The following PRR33 variants were observed in gnomAD, a reference collection of about 807,000 sequenced individuals.
PRR33 encodes proline rich 33.
A neutral mutation model predicts 0.5 loss-of-function variants in PRR33; 1 was observed. The observed-to-expected ratio is 2.18, with a 90% CI of 0.77 to 10.34. The LOEUF (loss-of-function observed/expected upper bound fraction) is 10.34, where lower values mean the gene tolerates loss of function less well. PRR33 is among the 30% of genes most tolerant of loss of function. The pLI, the probability that PRR33 is intolerant of heterozygous loss-of-function variation, is 0.13. For synonymous variants in PRR33, 226 were observed against 110.0 expected (o/e 2.06, Z -6.60); for missense variants, 552 against 251.8 (o/e 2.19, Z -8.07).
the PRR33 span, among the ~76,000 whole-genome samples, chr11:1,915,691 G>C: frequency 5.7e-3 from 1 of 176 alleles, no homozygotes; most frequent in Non-Finnish European, 9.8e-3. Flanking sequence ...GTTTCTGTGT[G>C]TGTGTGTGTT....
chr11:1,889,232 C>A, exon 1 of PRR33: 1 of 674,026 alleles, frequency 1.5e-6, no homozygotes, highest in Non-Finnish European at 2.8e-6. Flanking sequence ...TGGGAGGGGG[C>A]CGGGTGGCCT....
At chr11:1,895,835 G>A (rs889828643), upstream of PRR33, among the ~76,000 whole-genome samples, 8 of 151,968 alleles carry the variant, frequency 5.3e-5, no homozygotes, top group South Asian at 8.3e-4. Context: ...GCACCGAGTC[G>A]CCTTTGCACC....
At chr11:1,913,194 A>T in the PRR33 span, among the ~76,000 whole-genome samples, 1 of 151,840 alleles carries the variant, frequency 6.6e-6, no homozygotes, top group African/African-American at 2.4e-5. Context: ...GCAGTGGCAC[A>T]ATTTCGGCTC....
exon 1 of PRR33, chr11:1,889,503 C>G (rs187838363): frequency 3.2e-6 from 2 of 617,648 alleles, no homozygotes; most frequent in African/African-American, 3.7e-5. Context: ...CAGGCTCTGC[C>G]GCGGCTCTGG....
chr11:1,906,678 C>T, the PRR33 span, among the ~76,000 whole-genome samples: 1 of 152,100 alleles, frequency 6.6e-6, no homozygotes, highest in African/African-American at 2.4e-5. Context: ...TGTTTCTGAG[C>T]CCCCCACCGC....
At chr11:1,889,215 C>G in exon 1 of PRR33, 1 of 675,002 alleles carries the variant, frequency 1.5e-6, no homozygotes, top group South Asian at 1.6e-5. Flanking sequence ...CAGGATGGAG[C>G]GGACTGTGGG....
the PRR33 span, among the ~76,000 whole-genome samples, chr11:1,908,217 T>C: frequency 6.6e-6 from 1 of 152,320 alleles, no homozygotes; most frequent in African/African-American, 2.4e-5. Flanking sequence ...CACCTTCACT[T>C]TTGAATTCGG....
chr11:1,912,637 C>T, the PRR33 span, among the ~76,000 whole-genome samples: 13 of 152,240 alleles, frequency 8.5e-5, no homozygotes, highest in Admixed American at 8.5e-4. Context: ...CAGAGTCTCA[C>T]TCTGTCGCCC....
At position 1,888,704 on chromosome 11, in the gene PRR33, C is replaced by T. The variant is rs150131526; in HGVS notation, c.*441G>A. The T allele has an allele frequency of 3.5e-3, 562 of 158,318 alleles. 7 individuals are homozygous for T. Among genetic ancestry groups the T allele is most frequent in the African/African-American group, 0.013 (542 of 41,780 alleles). 9.8% of individuals were successfully genotyped at this position (158,318 alleles called of 1,614,324 possible). ...ACGCCGATGGCCAAGCCAGCCTGAC[C>T]GCACCCATGCCTCAGCAAGCAGAGA... is the stretch of plus-strand genomic sequence containing the variant. On this transcript the variant is annotated 3_prime_UTR_variant, in exon 1 of 1. Coordinates refer to ENST00000640310, the Ensembl canonical transcript of PRR33.
the PRR33 span, among the ~76,000 whole-genome samples, chr11:1,914,816 C>T: frequency 8.2e-6 from 1 of 122,538 alleles, no homozygotes; most frequent in Admixed American, 8.9e-5. Flanking sequence ...AGATGTTGCT[C>T]TGTGTGTGTT....
upstream of PRR33, among the ~76,000 whole-genome samples, chr11:1,895,511 A>G (rs924696963): frequency 1.3e-5 from 2 of 152,148 alleles, no homozygotes; most frequent in Non-Finnish European, 2.9e-5. Flanking sequence ...TTGTCCTCTC[A>G]CCGTTAACCA....
At chr11:1,897,877 T>C in the PRR33 span, among the ~76,000 whole-genome samples, 3 of 152,188 alleles carry the variant, frequency 2.0e-5, no homozygotes, top group African/African-American at 7.2e-5. The surrounding 1 kb of genome is among the most constrained non-coding windows in gnomAD (Gnocchi z 4.0). Flanking sequence ...ACGAGTATTA[T>C]GACCATCAGG....
At chr11:1,904,495 C>A in the PRR33 span, among the ~76,000 whole-genome samples, 1 of 151,562 alleles carries the variant, frequency 6.6e-6, no homozygotes, top group African/African-American at 2.4e-5. Context: ...CACCACTGCA[C>A]TCCAGCCTGG....
At chr11:1,917,684 C>T in the PRR33 span, among the ~76,000 whole-genome samples, 2 of 152,250 alleles carry the variant, frequency 1.3e-5, no homozygotes, top group African/African-American at 4.8e-5. Context: ...TGTGCAGTCC[C>T]TGCTACGCCT....
upstream of PRR33, among the ~76,000 whole-genome samples, chr11:1,895,188 A>T (rs192316979): frequency 1.7e-3 from 265 of 151,798 alleles, no homozygotes; most frequent in African/African-American, 6.2e-3. Flanking sequence ...GCTGGAGTGC[A>T]GTGGCGCCAT....
chr11:1,897,480 T>C, the PRR33 span, among the ~76,000 whole-genome samples: 1 of 152,250 alleles, frequency 6.6e-6, no homozygotes, highest in African/African-American at 2.4e-5. This position sits in a 1 kb window ranked among gnomAD's most constrained non-coding sequence, Gnocchi z 4.0. Context: ...TTAGGACCTA[T>C]CTGCTTCCGT....
the PRR33 span, among the ~76,000 whole-genome samples, chr11:1,915,927 T>TGATG: frequency 3.5e-4 from 52 of 147,096 alleles, no homozygotes; most frequent in African/African-American, 1.2e-3. Context: ...GATAGACTAA[T>TGATG]GATGGATGGA....
At chr11:1,908,452 GT>G in the PRR33 span, among the ~76,000 whole-genome samples, 14 of 151,718 alleles carry the variant, frequency 9.2e-5, no homozygotes, top group Admixed American at 7.2e-4. Context: ...TTTTTCAAAA[GT>G]TTTTTTCTTA....
exon 1 of PRR33, chr11:1,889,126 G>C (rs545299176): frequency 1.6e-6 from 1 of 625,588 alleles, no homozygotes; most frequent in Admixed American, 2.7e-5. Flanking sequence ...CCTGGGCTCT[G>C]GGGGCCATTC....
Sources: gnomAD v4.1 joint callset for allele counts (sites outside exome capture counted in the v4.1 genomes callset) on GRCh38, gnomAD v4.1.1 for gene constraint, Gnocchi (gnomAD v3.1) non-coding constraint, MANE v1.5 for transcripts, NCBI Gene and HGNC (gene_info 2026-07-23, HGNC 2026-07-21) for gene names.